The following ALDH1A2 variants were observed in gnomAD, a reference collection of about 807,000 sequenced individuals.
ALDH1A2 encodes aldehyde dehydrogenase 1 family member A2.
Under a neutral mutation model 60.3 loss-of-function variants are expected in ALDH1A2, and 27 were observed. The ratio of observed to expected loss-of-function variants is 0.45; its 90% CI spans 0.33 to 0.62. ALDH1A2 has a LOEUF of 0.62. Ranked by LOEUF, ALDH1A2 falls within the 20% of genes least tolerant of loss-of-function variation. The pLI is 0.02. For synonymous variants in ALDH1A2, 289 were observed against 232.4 expected, an observed-to-expected ratio of 1.24 and a Z score of -2.21; for missense variants, 581 against 643.8, an observed-to-expected ratio of 0.90 and a Z score of 1.06.
chr15:57,966,036 T>C (rs1461634091), intron 7 of ALDH1A2, among the ~76,000 whole-genome samples: 2 of 152,200 alleles, frequency 1.3e-5, no homozygotes, highest in Non-Finnish European at 1.5e-5. Flanking sequence ...AAGACAGCTT[T>C]AGTTTCGTGA....
In ALDH1A2 at chr15:57,963,872, A is replaced by C. The variant is rs34666807; in HGVS notation, c.1086+13T>G. On this transcript the variant is annotated intron_variant, in intron 9 of 12. Coordinates refer to ENST00000249750, the MANE Select transcript of ALDH1A2 (RefSeq NM_003888.4). ...GATTAAGTAAACAAAGGGAATGGTT[A>C]TGATTTTTCTACCTGGGGACCCTGC... is the stretch of plus-strand genomic sequence containing the variant. 5.5e-4 allele frequency: 895 copies of C among 1,614,026 alleles called. 9 individuals are homozygous for C. The African/African-American group carries it at 9.9e-3, about 18-fold the overall frequency.
At chr15:58,049,829 C>A (rs1256291858) in intron 1 of ALDH1A2, among the ~76,000 whole-genome samples, 1 of 151,966 alleles carries the variant, frequency 6.6e-6, no homozygotes, top group African/African-American at 2.4e-5. Context: ...TTTTATGTAC[C>A]CCCCTGTCTT....
chr15:58,065,249 G>A, intron 1 of ALDH1A2: 1 of 443,882 alleles, frequency 2.3e-6, no homozygotes, highest in Non-Finnish European at 4.1e-6. Flanking sequence ...CGGGAGAATC[G>A]GACAGAAACC....
intron 12 of ALDH1A2, among the ~76,000 whole-genome samples, chr15:57,956,670 C>G (rs756638241): frequency 6.6e-6 from 1 of 152,230 alleles, no homozygotes; most frequent in Non-Finnish European, 1.5e-5. Flanking sequence ...CACTCAGTCT[C>G]GGAGTCTCTT....
chr15:57,964,040 C>A lies in ALDH1A2; in HGVS notation c.931G>T (p.Gly311Cys), dbSNP rs1269326102. The change falls in exon 9 of 13, where the codon GGT becomes TGT. Residue 311 changes from glycine to cysteine, a missense_variant. Gly to Cys is a radical substitution (Grantham distance 159). Around this residue, in one of 2 missense-constraint regions of ALDH1A2, gnomAD observed 375 missense variants for 469.7 expected, o/e 0.80. Coordinates refer to ENST00000249750, the MANE Select transcript of ALDH1A2 (RefSeq NM_003888.4). The stretch of plus-strand genomic sequence containing the variant: ...CACTGACCTTGATTGAAGAACACAC[C>A]CTGGTGGGCCTGCTCCACAGCATAG... ...LDYAVEQAHQ[G>C]VFFNQGQCCT... 6.2e-7 allele frequency: 1 copy of A among 1,614,108 alleles called. No individual in the cohort carries two copies. The highest frequency in any genetic ancestry group is 2.2e-5 in the East Asian group (1 of 44,880).
At chr15:57,976,098 A>C (rs755298305) in intron 7 of ALDH1A2, among the ~76,000 whole-genome samples, 1 of 152,224 alleles carries the variant, frequency 6.6e-6, no homozygotes, top group African/African-American at 2.4e-5. Flanking sequence ...GACTACTGGC[A>C]GTAGTTGGTC....
At chr15:58,016,962 A>G (rs1895805702) in intron 1 of ALDH1A2, among the ~76,000 whole-genome samples, 1 of 152,208 alleles carries the variant, frequency 6.6e-6, no homozygotes, top group South Asian at 2.1e-4. Flanking sequence ...AATGGGATAA[A>G]GAATAAAATT....
chr15:57,975,232 T>A (rs1451546546), intron 7 of ALDH1A2, among the ~76,000 whole-genome samples: 1 of 152,188 alleles, frequency 6.6e-6, no homozygotes, highest in Non-Finnish European at 1.5e-5. Context: ...TACATGTCCA[T>A]ACAAATATTT....
chr15:58,021,507 C>T (rs1293088417), intron 1 of ALDH1A2, among the ~76,000 whole-genome samples: 5 of 152,132 alleles, frequency 3.3e-5, no homozygotes, highest in African/African-American at 1.2e-4. Flanking sequence ...CAATTCTGGC[C>T]ACTTGAAAAG....
intron 12 of ALDH1A2, among the ~76,000 whole-genome samples, chr15:57,959,779 A>C (rs899980148): frequency 1.3e-5 from 2 of 152,184 alleles, no homozygotes; most frequent in African/African-American, 4.8e-5. Flanking sequence ...AAACTGCTCT[A>C]ATCTCCAAGC....
intron 1 of ALDH1A2, among the ~76,000 whole-genome samples, chr15:58,028,267 T>C (rs1896134337): frequency 6.6e-6 from 1 of 152,144 alleles, no homozygotes; most frequent in African/African-American, 2.4e-5. Flanking sequence ...AAGAAAAGAA[T>C]TTTCAACCCA....
intron 9 of ALDH1A2, among the ~76,000 whole-genome samples, chr15:57,962,823 A>G (rs1305389962): frequency 3.9e-5 from 6 of 152,236 alleles, no homozygotes; most frequent in African/African-American, 1.2e-4. Flanking sequence ...CAGAACATCA[A>G]TCTTCTCTTG....
intron 1 of ALDH1A2, among the ~76,000 whole-genome samples, chr15:58,031,929 T>C (rs1896251614): frequency 2.0e-5 from 3 of 152,156 alleles, no homozygotes; most frequent in Admixed American, 2.0e-4. Flanking sequence ...AGTTCAACCA[T>C]TGTGGAAGTC....
chr15:58,035,979 A>T (rs1375713318), intron 1 of ALDH1A2, among the ~76,000 whole-genome samples: 1 of 151,658 alleles, frequency 6.6e-6, no homozygotes, highest in African/African-American at 2.4e-5. Context: ...GCTCCCTATC[A>T]ATTTCCAGAT....
intron 7 of ALDH1A2, among the ~76,000 whole-genome samples, chr15:57,974,479 G>A (rs1894176908): frequency 6.7e-6 from 1 of 149,660 alleles, no homozygotes; most frequent in African/African-American, 2.5e-5. Context: ...ATATAAATAT[G>A]GAAAATTTAT....
At chr15:57,956,202 A>T (rs1893520417) in intron 12 of ALDH1A2, among the ~76,000 whole-genome samples, 1 of 152,210 alleles carries the variant, frequency 6.6e-6, no homozygotes, top group Non-Finnish European at 1.5e-5. Flanking sequence ...CCAAGGAAGG[A>T]AGGAAAGTAG....
At chr15:57,977,894 C>T (rs1894321229) in intron 7 of ALDH1A2, among the ~76,000 whole-genome samples, 1 of 152,154 alleles carries the variant, frequency 6.6e-6, no homozygotes. Flanking sequence ...TTATAGTTCT[C>T]CTTGAAGAGG....
chr15:58,014,293 G>T lies in ALDH1A2; in HGVS notation c.118-12C>A, dbSNP rs371674631. On this transcript the variant is annotated splice_polypyrimidine_tract_variant and intron_variant, in intron 1 of 12. Coordinates refer to ENST00000249750, the MANE Select transcript of ALDH1A2 (RefSeq NM_003888.4). Reference sequence around the variant, plus strand: ...TTGTTTATAAAGATCTAAGGGAGTAGATAACAGAATGGGATCTGTGACACA... The same window carrying T: ...TTGTTTATAAAGATCTAAGGGAGTATATAACAGAATGGGATCTGTGACACA... 4 of 1,605,194 alleles carry T rather than the reference G, an allele frequency of 2.5e-6. No individual in the cohort carries two copies. In the African/African-American group the frequency reaches 5.4e-5, roughly 21 times the overall value.
intron 7 of ALDH1A2, among the ~76,000 whole-genome samples, chr15:57,969,843 G>A (rs1412530595): frequency 6.6e-6 from 1 of 152,158 alleles, no homozygotes; most frequent in East Asian, 1.9e-4. Flanking sequence ...CTGCCCCATT[G>A]CTGACAACCT....
Sources: allele counts gnomAD v4.1 joint callset (sites outside exome capture counted in the v4.1 genomes callset), GRCh38; gene constraint gnomAD v4.1.1; regional missense constraint gnomAD v4.1.1; transcripts MANE v1.5; gene names NCBI Gene and HGNC (gene_info 2026-07-23, HGNC 2026-07-21).